MAPK8IP3: variants seen among roughly 807,000 people sequenced by gnomAD.
MAPK8IP3 encodes mitogen-activated protein kinase 8 interacting protein 3, also known as C-Jun-amino-terminal kinase-interacting protein 3.
MAPK8IP3 carries 49 observed loss-of-function variants against 157.8 expected under a neutral mutation model. The ratio of observed to expected loss-of-function variants is 0.31; its 90% confidence interval spans 0.25 to 0.39. The LOEUF (loss-of-function observed/expected upper bound fraction) is 0.39, where lower values mean the gene tolerates loss of function less well. Ranked by LOEUF, MAPK8IP3 falls within the 10% of genes least tolerant of loss-of-function variation. MAPK8IP3 has a pLI of 1.00. For missense variants in MAPK8IP3, 1,478 were observed against 1,889.4 expected, an observed-to-expected ratio of 0.78 and a Z score of 4.04; for synonymous variants, 897 against 777.7, an observed-to-expected ratio of 1.15 and a Z score of -2.55.
In MAPK8IP3 at chr16:1,767,407, C is replaced by T. The variant is rs1245894833; in HGVS notation, c.3237+110C>T. ...AGGCCCTACGTGGGTCCCATCTCCC[C>T]TGTACCACCTATGACTCAGGCTCGA... On this transcript the variant is annotated intron_variant, in intron 26 of 31. Coordinates refer to ENST00000610761, the MANE Select transcript of MAPK8IP3 (RefSeq NM_001318852.2). 1.5e-5 allele frequency: 22 copies of T among 1,516,818 alleles called. No individual in the cohort carries two copies. In the East Asian group the frequency reaches 2.3e-4, roughly 16 times the overall value. 94.0% of individuals were successfully genotyped at this position (1,516,818 alleles called of 1,614,324 possible).
chr16:1,747,890 T>C (rs1284200870), intron 6 of MAPK8IP3, among the ~76,000 whole-genome samples: 1 of 150,972 alleles, frequency 6.6e-6, no homozygotes, highest in Non-Finnish European at 1.5e-5. Context: ...TAACCTGCGT[T>C]GCCCCACGGC....
At chr16:1,760,909 G>A (rs973374684) in intron 12 of MAPK8IP3, among the ~76,000 whole-genome samples, 2 of 152,184 alleles carry the variant, frequency 1.3e-5, no homozygotes, top group Admixed American at 6.5e-5. Flanking sequence ...CCTAAGAAGG[G>A]ACCCAGATCT....
At chr16:1,715,256 C>A (rs972271497) in intron 1 of MAPK8IP3, among the ~76,000 whole-genome samples, 1 of 152,100 alleles carries the variant, frequency 6.6e-6, no homozygotes, top group Non-Finnish European at 1.5e-5. Context: ...CAGCCCCACA[C>A]GTAATACCTG....
At chr16:1,754,189 T>C (rs1430765850) in intron 8 of MAPK8IP3, among the ~76,000 whole-genome samples, 4 of 150,576 alleles carry the variant, frequency 2.7e-5, no homozygotes, top group Non-Finnish European at 4.4e-5. Context: ...AAAAAAAAAA[T>C]TGGCCTAATA....
rs1364281618 is a variant in MAPK8IP3 at position 1,706,597 on chromosome 16, C to A, written c.258C>A (p.Asp86Glu). 1 of 1,605,086 alleles carries A rather than the reference C, an allele frequency of 6.2e-7. No individual in the cohort carries two copies. Among genetic ancestry groups the A allele is most frequent in the East Asian group, 2.3e-5 (1 of 44,282 alleles). ...TGGAGCTGGAGCTGCTGCGCGAGGA[C>A]AACGAGCAGCTGCTCACCCAGTACG... is the stretch of plus-strand genomic sequence containing the variant. The part of the protein sequence containing the change: ...HEVELELLRE[D>E]NEQLLTQYER... Residue 86 changes from aspartate to glutamate, a missense_variant, in exon 1 of 32, where the codon GAC becomes GAA. This residue lies in a region of MAPK8IP3 where 65 missense variants were observed against 161.8 expected (regional missense o/e 0.40). Coordinates refer to ENST00000610761, the MANE Select transcript of MAPK8IP3 (RefSeq NM_001318852.2). The surrounding 1 kb of genome is among the most constrained non-coding windows in gnomAD (Gnocchi z 5.1).
intron 20 of MAPK8IP3, 40 bp downstream of exon 20, chr16:1,765,218 C>G: frequency 6.4e-7 from 1 of 1,559,238 alleles, no homozygotes; most frequent in Non-Finnish European, 8.7e-7. Flanking sequence ...GGGCGCCACT[C>G]CCTTTTACTA....
At chr16:1,709,671 G>A (rs2037637502) in intron 1 of MAPK8IP3, among the ~76,000 whole-genome samples, 1 of 152,266 alleles carries the variant, frequency 6.6e-6, no homozygotes, top group Non-Finnish European at 1.5e-5. Context: ...GCTGAACGGG[G>A]TGGGGGCTGG....
At chr16:1,738,271 CGTGT>C (rs776863794) in intron 4 of MAPK8IP3, among the ~76,000 whole-genome samples, 1 of 67,674 alleles carries the variant, frequency 1.5e-5, no homozygotes, top group Non-Finnish European at 2.7e-5. Flanking sequence ...TGTGACCGTC[CGTGT>C]GAGTGTGACC....
At chr16:1,719,979 G>A (rs1032757166) in intron 1 of MAPK8IP3, among the ~76,000 whole-genome samples, 2 of 152,204 alleles carry the variant, frequency 1.3e-5, no homozygotes, top group African/African-American at 2.4e-5. Flanking sequence ...GTGCATGACC[G>A]CAGCCTCAGA....
chr16:1,737,945 A>T (rs1489451185), intron 4 of MAPK8IP3, among the ~76,000 whole-genome samples: 1 of 51,304 alleles, frequency 1.9e-5, no homozygotes, highest in African/African-American at 8.9e-5. Flanking sequence ...CATCCGTGTG[A>T]CTGTCCGTGT....
chr16:1,739,274 GTGTGAGCATCCA>G (rs2040421457), intron 4 of MAPK8IP3, among the ~76,000 whole-genome samples: 1 of 138,024 alleles, frequency 7.2e-6, no homozygotes, highest in South Asian at 2.8e-4. Flanking sequence ...GTGACCGTCC[GTGTGAGCATCCA>G]TGTGAGCCTG....
intron 5 of MAPK8IP3, chr16:1,746,475 TC>T (rs1423259698): frequency 2.0e-5 from 3 of 152,922 alleles, no homozygotes; most frequent in African/African-American, 7.2e-5. Context: ...TGAGCTCTGG[TC>T]CAGTCAAGCC....
intron 3 of MAPK8IP3, 78 bp downstream of exon 3, chr16:1,729,286 G>T: frequency 6.6e-7 from 1 of 1,512,198 alleles, no homozygotes; most frequent in Non-Finnish European, 9.2e-7. Flanking sequence ...CTTGCGGACC[G>T]TGGTTTTCTT....
chr16:1,736,683 C>T (rs1460537013), intron 4 of MAPK8IP3, among the ~76,000 whole-genome samples: 1 of 56,400 alleles, frequency 1.8e-5, no homozygotes, highest in Non-Finnish European at 3.2e-5. Flanking sequence ...TGTGAGCATC[C>T]GTGTGACCGA....
chr16:1,768,919 C>G lies in MAPK8IP3; in HGVS notation c.*95C>G, dbSNP rs2042452375. On this transcript the variant is annotated 3_prime_UTR_variant, in exon 32 of 32. Coordinates refer to ENST00000610761, the MANE Select transcript of MAPK8IP3 (RefSeq NM_001318852.2). ...GGTAGCCAGCCAGGCGCCGCCGCCC[C>G]TCTTCTAACCTCTCAACCTGCAGCT... 2 of 1,397,668 alleles carry G rather than the reference C, an allele frequency of 1.4e-6. No homozygotes were observed. Among genetic ancestry groups the G allele is most frequent in the Admixed American group, 1.9e-5 (1 of 53,074 alleles). 86.6% of individuals were successfully genotyped at this position (1,397,668 alleles called of 1,614,324 possible).
At chr16:1,735,218 G>A (rs528399095) in intron 4 of MAPK8IP3, among the ~76,000 whole-genome samples, 8 of 152,300 alleles carry the variant, frequency 5.3e-5, no homozygotes, top group Admixed American at 3.9e-4. Context: ...CATCCTGGCC[G>A]TCCGTGTGAG....
At chr16:1,721,099 AG>A (rs1167172010) in intron 1 of MAPK8IP3, among the ~76,000 whole-genome samples, 1 of 152,058 alleles carries the variant, frequency 6.6e-6, no homozygotes, top group Non-Finnish European at 1.5e-5. Flanking sequence ...GCACTTGGGA[AG>A]GCCGAGGCGG....
intron 8 of MAPK8IP3, among the ~76,000 whole-genome samples, chr16:1,755,140 T>A (rs1180226898): frequency 9.2e-5 from 14 of 152,162 alleles, no homozygotes; most frequent in Non-Finnish European, 4.4e-5. Flanking sequence ...AACAAACCTG[T>A]GATACGAGCT....
intron 4 of MAPK8IP3, among the ~76,000 whole-genome samples, chr16:1,731,317 G>A (rs879302408): frequency 3.8e-4 from 58 of 152,208 alleles, no homozygotes; most frequent in Non-Finnish European, 5.4e-4. Context: ...GGTAGAGTGA[G>A]AGCCTGTCTC....
Sources: gnomAD v4.1 joint callset for allele counts (sites outside exome capture counted in the v4.1 genomes callset) on GRCh38, gnomAD v4.1.1 for gene constraint, gnomAD v4.1.1 regional missense constraint, Gnocchi (gnomAD v3.1) non-coding constraint, MANE v1.5 for transcripts, NCBI Gene and HGNC (gene_info 2026-07-23, HGNC 2026-07-21) for gene names.